The following GLIS3 variants were observed in gnomAD, a reference collection of about 807,000 sequenced individuals.
The protein encoded by GLIS3 is zinc finger protein GLIS3.
In GLIS3, 53 loss-of-function variants were observed where a neutral mutation model predicts 78.6. The ratio of observed to expected loss-of-function variants is 0.67; its 90% CI spans 0.54 to 0.85. The LOEUF is 0.85. Ranked by LOEUF, GLIS3 falls within the 40% of genes least tolerant of loss-of-function variation. GLIS3 has a pLI of 0.00. For synonymous variants in GLIS3, 684 were observed against 509.9 expected (o/e 1.34, Z -4.60); for missense variants, 1,703 against 1,231.1 (o/e 1.38, Z -5.74).
chr9:4,054,460 G>A (rs1276624265), intron 4 of GLIS3: 2 of 985,160 alleles, frequency 2.0e-6, no homozygotes, highest in African/African-American at 3.5e-5. Context: ...GATGTGCTCT[G>A]GAGTGAATTC....
intron 2 of GLIS3, among the ~76,000 whole-genome samples, chr9:4,169,074 G>A (rs919326560): frequency 2.6e-4 from 40 of 152,282 alleles, no homozygotes; most frequent in African/African-American, 7.2e-4. Context: ...GATGGGAGAG[G>A]TGATTGTCCT....
intron 4 of GLIS3, chr9:4,034,979 T>C (rs977128212): frequency 5.9e-5 from 9 of 152,150 alleles, no homozygotes; most frequent in African/African-American, 2.2e-4. Flanking sequence ...CTGCTATGTG[T>C]ACTATTATTG....
At chr9:4,452,351 A>T in the GLIS3 span, among the ~76,000 whole-genome samples, 74 of 152,230 alleles carry the variant, frequency 4.9e-4, no homozygotes, top group African/African-American at 1.7e-3. Context: ...AGAAAGAAAG[A>T]GTGTTCAAAT....
At chr9:3,896,669 T>TCAAAAAAAAAAAAAAA (rs1822858216) in intron 7 of GLIS3, among the ~76,000 whole-genome samples, 1 of 556 alleles carries the variant, frequency 1.8e-3, no homozygotes, top group African/African-American at 4.9e-3. Context: ...CCCATCTCAA[T>TCAAAAAAAAAAAAAAA]TAAAAAAAAA....
chr9:4,111,823 C>G (rs1378607802), intron 4 of GLIS3, among the ~76,000 whole-genome samples: 3 of 152,208 alleles, frequency 2.0e-5, no homozygotes, highest in Admixed American at 1.3e-4. Flanking sequence ...GGAAGCTACA[C>G]TCACTCTGAT....
At chr9:4,186,108 T>A (rs1188183641) in intron 2 of GLIS3, among the ~76,000 whole-genome samples, 1 of 151,514 alleles carries the variant, frequency 6.6e-6, no homozygotes, top group Non-Finnish European at 1.5e-5. Flanking sequence ...CATTAACTCG[T>A]CATTTAGCAT....
At chr9:3,967,060 A>G (rs1818010766) in intron 4 of GLIS3, among the ~76,000 whole-genome samples, 2 of 149,642 alleles carry the variant, frequency 1.3e-5, no homozygotes, top group South Asian at 4.2e-4. Flanking sequence ...GGATTTCTCA[A>G]TCAGGTACAT....
chr9:4,129,832 G>C (rs1441230310), intron 2 of GLIS3, among the ~76,000 whole-genome samples: 1 of 152,228 alleles, frequency 6.6e-6, no homozygotes, highest in Non-Finnish European at 1.5e-5. Context: ...AGTTGAAAGA[G>C]TGTGGAGGAC....
intron 1 of GLIS3, among the ~76,000 whole-genome samples, chr9:4,295,565 A>C (rs549083370): frequency 6.6e-6 from 1 of 152,296 alleles, no homozygotes; most frequent in East Asian, 1.9e-4. Context: ...TTTTTTAAAA[A>C]AACCAGACAA....
At chr9:3,945,337 A>G (rs1816220889) in intron 4 of GLIS3, among the ~76,000 whole-genome samples, 2 of 152,220 alleles carry the variant, frequency 1.3e-5, no homozygotes, top group Non-Finnish European at 2.9e-5. Context: ...TTACTACTCT[A>G]TATTAAAGAA....
At chr9:3,966,877 T>C (rs183697277) in intron 4 of GLIS3, among the ~76,000 whole-genome samples, 286 of 152,086 alleles carry the variant, frequency 1.9e-3, no homozygotes, top group African/African-American at 6.6e-3. Context: ...AATGATTTTT[T>C]AGTAAATTAA....
intron 2 of GLIS3, among the ~76,000 whole-genome samples, chr9:4,330,060 T>C (rs1817662715): frequency 6.6e-6 from 1 of 152,236 alleles, no homozygotes; most frequent in African/African-American, 2.4e-5. Flanking sequence ...AAATTAACAC[T>C]TTCCATCAGG....
At chr9:4,190,575 C>A (rs1028361300) in intron 2 of GLIS3, among the ~76,000 whole-genome samples, 3 of 148,324 alleles carry the variant, frequency 2.0e-5, no homozygotes, top group African/African-American at 7.3e-5. Context: ...CTGAAAGTGA[C>A]GGGGAGAATG....
chr9:4,410,175 C>T, the GLIS3 span, among the ~76,000 whole-genome samples: 1 of 150,270 alleles, frequency 6.7e-6, no homozygotes, highest in Non-Finnish European at 1.5e-5. Context: ...CAGTGTTTTG[C>T]CATGTTGGCC....
chr9:4,206,998 C>T (rs1036982297), intron 2 of GLIS3, among the ~76,000 whole-genome samples: 27 of 152,120 alleles, frequency 1.8e-4, no homozygotes, highest in African/African-American at 6.5e-4. Flanking sequence ...TTTTGTAGAG[C>T]CAGAGGGGAT....
chr9:4,428,957 A>T, the GLIS3 span, among the ~76,000 whole-genome samples: 12 of 152,100 alleles, frequency 7.9e-5, no homozygotes, highest in African/African-American at 2.9e-4. Context: ...TACTTTCTAA[A>T]TATCTGCCCA....
chr9:4,229,100 C>T (rs752678731), intron 2 of GLIS3, among the ~76,000 whole-genome samples: 4 of 151,994 alleles, frequency 2.6e-5, no homozygotes, highest in African/African-American at 7.3e-5. Context: ...CATAACAGTG[C>T]GTATGATATG....
At chr9:4,468,009 C>G in the GLIS3 span, among the ~76,000 whole-genome samples, 1 of 151,768 alleles carries the variant, frequency 6.6e-6, no homozygotes, top group East Asian at 1.9e-4. Flanking sequence ...GTTCAGTAGT[C>G]GATTCAATCA....
the GLIS3 span, among the ~76,000 whole-genome samples, chr9:4,376,073 T>C: frequency 4.6e-5 from 7 of 152,082 alleles, no homozygotes; most frequent in African/African-American, 7.2e-5. Flanking sequence ...AGACAAAATA[T>C]AAAGCCTTAT....
Sources: allele counts gnomAD v4.1 joint callset (sites outside exome capture counted in the v4.1 genomes callset), GRCh38; gene constraint gnomAD v4.1.1; transcripts MANE v1.5; gene names NCBI Gene and HGNC (gene_info 2026-07-23, HGNC 2026-07-21).